Variants in MED13 observed in about 807,000 individuals in gnomAD.
MED13 encodes mediator of RNA polymerase II transcription subunit 13.
A neutral mutation model predicts 225.2 loss-of-function variants in MED13; 23 were observed. That is an observed-to-expected ratio of 0.10 (90% CI 0.07 to 0.14). MED13 has a LOEUF of 0.14. Among genes scored for constraint, MED13 ranks in the 10% least tolerant of loss-of-function variants. The pLI is 1.00. For synonymous variants in MED13, 942 were observed against 889.2 expected, an observed-to-expected ratio of 1.06 and a Z score of -1.06; for missense variants, 2,197 against 2,594.5, an observed-to-expected ratio of 0.85 and a Z score of 3.33.
In MED13 at chr17:61,942,718, G is replaced by A. The variant is rs2079823924; in HGVS notation, c.*3750C>T. 6.6e-6 allele frequency: 1 copy of A among 151,140 alleles called. No homozygotes were observed. The highest frequency in any genetic ancestry group is 1.5e-5 in the Non-Finnish European group (1 of 67,816). 9.4% of individuals were successfully genotyped at this position (151,140 alleles called of 1,614,324 possible). A position where few individuals can be genotyped will look rare whatever the true frequency, so the allele number is the denominator to read the frequency against. The stretch of plus-strand genomic sequence containing the variant: ...CCTCAATCACAATTTGTACAACTCA[G>A]TGTTATGGCATTCGGCAGCAATAGT... On this transcript the variant is annotated 3_prime_UTR_variant, in exon 30 of 30. Coordinates refer to ENST00000397786, the MANE Select transcript of MED13 (RefSeq NM_005121.3).
intron 8 of MED13, among the ~76,000 whole-genome samples, chr17:62,013,635 A>G (rs2080532824): frequency 6.6e-6 from 1 of 152,216 alleles, no homozygotes; most frequent in African/African-American, 2.4e-5. Flanking sequence ...ATTAGCTCTC[A>G]ACATTTAACA....
intron 3 of MED13, among the ~76,000 whole-genome samples, chr17:62,038,846 T>C (rs1454036556): frequency 6.6e-6 from 1 of 151,724 alleles, no homozygotes; most frequent in Non-Finnish European, 1.5e-5. Flanking sequence ...TTTTTCCCCC[T>C]AGGGATGGCA....
chr17:62,026,021 G>T (rs1309303306), intron 8 of MED13, among the ~76,000 whole-genome samples: 1 of 152,174 alleles, frequency 6.6e-6, no homozygotes, highest in Non-Finnish European at 1.5e-5. Flanking sequence ...GAAAAACCTT[G>T]GCCCTAACCT....
At position 61,982,346 on chromosome 17, in the gene MED13, A is replaced by G. The variant is rs368876690; in HGVS notation, c.3657T>C (p.Asn1219=). ...AGTCACGCTCTTCAACACGTACCCAATTGCTAATTACACCACTTTTAGGAA... is the reference window on the plus strand; with the variant it reads ...AGTCACGCTCTTCAACACGTACCCAGTTGCTAATTACACCACTTTTAGGAA... ...DPFPKSGVIS[N]WVRVEERDCC... Residue 1219 remains asparagine (N), a synonymous_variant, in exon 16 of 30, where the codon AAT becomes AAC. Coordinates refer to ENST00000397786, the MANE Select transcript of MED13 (RefSeq NM_005121.3). 10 of 1,614,038 alleles carry G rather than the reference A, an allele frequency of 6.2e-6. No homozygotes were observed. The highest frequency in any genetic ancestry group is 7.6e-6 in the Non-Finnish European group (9 of 1,180,024).
chr17:62,054,053 T>C (rs1042962939), intron 2 of MED13, among the ~76,000 whole-genome samples: 5 of 152,188 alleles, frequency 3.3e-5, no homozygotes, highest in Admixed American at 6.5e-5. Context: ...ACGCCTGTAA[T>C]CCTAGCACTT....
At chr17:62,044,306 T>C (rs766544608) in intron 3 of MED13, among the ~76,000 whole-genome samples, 4 of 152,148 alleles carry the variant, frequency 2.6e-5, no homozygotes, top group Non-Finnish European at 5.9e-5. Flanking sequence ...TAAAGGTTCT[T>C]GTGTAAGCAA....
Position 61,985,094 on chromosome 17 carries a change from T to C in MED13, c.2386-4A>G. The C allele has an allele frequency of 1.2e-6, 2 of 1,609,698 alleles. No individual in the cohort carries two copies. Among genetic ancestry groups the C allele is most frequent in the Non-Finnish European group, 1.7e-6 (2 of 1,178,414 alleles). On this transcript the variant is annotated splice_polypyrimidine_tract_variant and splice_region_variant and intron_variant, in intron 12 of 29. Coordinates refer to ENST00000397786, the MANE Select transcript of MED13 (RefSeq NM_005121.3). ...TTGCTGATTTTTTAGATCCAGGCTATTTAAAAAAAGCACATATTTATCTAA... is the reference window on the plus strand; with the variant it reads ...TTGCTGATTTTTTAGATCCAGGCTACTTAAAAAAAGCACATATTTATCTAA...
chr17:61,949,185 A>G (rs1427305910), intron 28 of MED13, among the ~76,000 whole-genome samples: 3 of 151,840 alleles, frequency 2.0e-5, no homozygotes, highest in Non-Finnish European at 2.9e-5. Context: ...TTTATATCTC[A>G]TTTTGTGACT....
At chr17:61,967,835 TAG>T (rs1488650631) in intron 18 of MED13, among the ~76,000 whole-genome samples, 198 bp downstream of exon 18, 5 of 152,162 alleles carry the variant, frequency 3.3e-5, no homozygotes, top group African/African-American at 1.2e-4. Flanking sequence ...TATAGGGGGA[TAG>T]CCACTCTGAC....
intron 3 of MED13, among the ~76,000 whole-genome samples, chr17:62,037,169 C>G (rs2080810870): frequency 6.6e-6 from 1 of 151,996 alleles, no homozygotes. Flanking sequence ...ATGCGAATCG[C>G]TTGAATCCAC....
At chr17:62,051,475 T>C (rs1048212985) in intron 3 of MED13, among the ~76,000 whole-genome samples, 1 of 152,234 alleles carries the variant, frequency 6.6e-6, no homozygotes, top group Non-Finnish European at 1.5e-5. Context: ...GTAGTTAATG[T>C]TGTTCTGTCA....
At position 61,993,105 on chromosome 17, in the gene MED13, T is replaced by C. The variant is rs528270941; in HGVS notation, c.2182-484A>G. On this transcript the variant is annotated intron_variant, in intron 10 of 29. Transcript: ENST00000397786. ...TTATAGACAAAAGTAGAGACTCTAATGTGCCCCAGAAAATATGGCTGATAA... is the reference window on the plus strand; with the variant it reads ...TTATAGACAAAAGTAGAGACTCTAACGTGCCCCAGAAAATATGGCTGATAA... Among the ~76,000 whole-genome samples the C allele has an allele frequency of 3.1e-4, 47 of 152,106 alleles. No individual in the cohort carries two copies. In the South Asian group the frequency reaches 4.2e-3, roughly 13 times the overall value.
At chr17:62,051,664 C>T (rs2080958126) in intron 3 of MED13, among the ~76,000 whole-genome samples, 1 of 152,050 alleles carries the variant, frequency 6.6e-6, no homozygotes, top group Admixed American at 6.5e-5. Context: ...TCCAGGTGCA[C>T]ATGAAAAAAG....
intron 16 of MED13, among the ~76,000 whole-genome samples, chr17:61,981,326 G>A (rs1052582701): frequency 2.0e-5 from 3 of 152,052 alleles, no homozygotes; most frequent in Non-Finnish European, 4.4e-5. Flanking sequence ...CAGACTGAGA[G>A]ATCTCTTAAA....
intron 1 of MED13, among the ~76,000 whole-genome samples, chr17:62,063,952 T>C (rs1027378884): frequency 5.9e-5 from 9 of 152,142 alleles, no homozygotes; most frequent in African/African-American, 1.9e-4. Flanking sequence ...TTAATGGACA[T>C]TGAAAAGAAA....
At chr17:62,061,693 C>T (rs981452513) in intron 2 of MED13, among the ~76,000 whole-genome samples, 4 of 152,074 alleles carry the variant, frequency 2.6e-5, no homozygotes, top group African/African-American at 7.2e-5. Context: ...AGGAGGCTGG[C>T]GGACTTAGCT....
Position 62,035,615 on chromosome 17 carries a change from A to T in MED13, c.471-7T>A, listed in dbSNP as rs1185819714. Reference sequence around the variant, plus strand: ...GGAGCAGGACAAGTGTTCACTAAAAAAGAAGAAAAAGTTTTATCTTAGTGA... The same window carrying T: ...GGAGCAGGACAAGTGTTCACTAAAATAGAAGAAAAAGTTTTATCTTAGTGA... On this transcript the variant is annotated splice_polypyrimidine_tract_variant and splice_region_variant and intron_variant, in intron 3 of 29. Coordinates refer to ENST00000397786, the MANE Select transcript of MED13 (RefSeq NM_005121.3). 1.3e-6 allele frequency: 2 copies of T among 1,599,272 alleles called. No homozygotes were observed. The highest frequency in any genetic ancestry group is 1.7e-6 in the Non-Finnish European group (2 of 1,175,850).
chr17:61,986,916 G>C, intron 12 of MED13, 91 bp downstream of exon 12: 1 of 806,278 alleles, frequency 1.2e-6, no homozygotes, highest in Middle Eastern at 3.5e-4. Context: ...CTAAAACATA[G>C]TATTAAACTC....
rs538461011 is a variant in MED13 at position 62,042,318 on chromosome 17, C to T, written c.471-6710G>A. 2.3e-3 allele frequency among the ~76,000 whole-genome samples: 356 copies of T among 152,232 alleles called. 1 individual carries two copies. Among genetic ancestry groups the T allele is most frequent in the African/African-American group, 8.2e-3 (342 of 41,548 alleles). ...GGGGCTGATGCCTGTAATCCCAACA[C>T]TTTGGGAGGCCAAGGCGGGTGGATC... is the stretch of plus-strand genomic sequence containing the variant. On this transcript the variant is annotated intron_variant, in intron 3 of 29. Transcript: ENST00000397786.
Sources: gnomAD v4.1 joint callset for allele counts (sites outside exome capture counted in the v4.1 genomes callset) on GRCh38, gnomAD v4.1.1 for gene constraint, MANE v1.5 for transcripts, NCBI Gene and HGNC (gene_info 2026-07-23, HGNC 2026-07-21) for gene names.